BACH2: variants seen among roughly 807,000 people sequenced by gnomAD.
BACH2 encodes transcription regulator protein BACH2.
A neutral mutation model predicts 61.8 loss-of-function variants in BACH2; 5 were observed. That is an observed-to-expected ratio of 0.08 (90% confidence interval 0.04 to 0.17). The LOEUF is 0.17. Among genes scored for constraint, BACH2 ranks in the 10% least tolerant of loss-of-function variants. The pLI, the probability that BACH2 is intolerant of heterozygous loss-of-function variation, is 1.00. For missense variants in BACH2, 824 were observed against 1,091.1 expected, an observed-to-expected ratio of 0.76 and a Z score of 3.45; for synonymous variants, 446 against 440.1, an observed-to-expected ratio of 1.01 and a Z score of -0.17.
chr6:90,144,554 G>A (rs935537025), intron 4 of BACH2, among the ~76,000 whole-genome samples: 3 of 152,166 alleles, frequency 2.0e-5, no homozygotes, highest in Non-Finnish European at 2.9e-5. Context: ...GGGCCTGCCC[G>A]CATCTGAGGC....
chr6:89,972,214 T>C (rs1295450477), intron 6 of BACH2, among the ~76,000 whole-genome samples: 2 of 152,126 alleles, frequency 1.3e-5, no homozygotes, highest in East Asian at 3.9e-4. Flanking sequence ...GGGGCCTCAC[T>C]GGAGTCTGTT....
chr6:90,271,363 A>AT (rs1002545794), intron 2 of BACH2, among the ~76,000 whole-genome samples: 2 of 122,134 alleles, frequency 1.6e-5, no homozygotes, highest in African/African-American at 5.6e-5. Context: ...AAACAACCCC[A>AT]TTTAAAAAAA....
chr6:90,218,920 C>CGTGTGTGTGTGTGT (rs3221352), intron 3 of BACH2, among the ~76,000 whole-genome samples: 4 of 140,400 alleles, frequency 2.8e-5, no homozygotes, highest in South Asian at 2.4e-4. Flanking sequence ...GTTTCCTTTC[C>CGTGTGTGTGTGTGT]GTGTGTGTGT....
intron 4 of BACH2, among the ~76,000 whole-genome samples, chr6:90,166,872 C>T (rs1269612148): frequency 5.8e-5 from 8 of 138,260 alleles, no homozygotes; most frequent in African/African-American, 2.2e-4. Flanking sequence ...CACATGGACA[C>T]AGGAAGGGGA....
intron 4 of BACH2, among the ~76,000 whole-genome samples, chr6:90,104,009 T>C (rs2127813225): frequency 6.6e-6 from 1 of 152,292 alleles, no homozygotes; most frequent in South Asian, 2.1e-4. Flanking sequence ...ACCGACAAAG[T>C]GGCAAAGAGG....
At chr6:90,279,627 A>G (rs1272323021) in intron 1 of BACH2, among the ~76,000 whole-genome samples, 1 of 152,194 alleles carries the variant, frequency 6.6e-6, no homozygotes, top group Non-Finnish European at 1.5e-5. Context: ...TAAGCCATAA[A>G]GTAGTTTCTT....
At chr6:90,287,195 T>C (rs1772045351) in intron 1 of BACH2, among the ~76,000 whole-genome samples, 1 of 152,220 alleles carries the variant, frequency 6.6e-6, no homozygotes, top group African/African-American at 2.4e-5. Context: ...CCAACAACTC[T>C]ATCTAAAATA....
At chr6:90,291,417 G>A (rs1772171635) in intron 1 of BACH2, among the ~76,000 whole-genome samples, 1 of 151,732 alleles carries the variant, frequency 6.6e-6, no homozygotes, top group Admixed American at 6.6e-5. Flanking sequence ...GGTAAGATTC[G>A]CAGGACATTT....
At chr6:90,163,767 T>C (rs1482499300) in intron 4 of BACH2, among the ~76,000 whole-genome samples, 5 of 152,294 alleles carry the variant, frequency 3.3e-5, no homozygotes, top group South Asian at 4.1e-4. Context: ...TTTCTTAAAA[T>C]AGAAATATTT....
intron 3 of BACH2, among the ~76,000 whole-genome samples, chr6:90,207,530 G>C (rs990742865): frequency 6.6e-6 from 1 of 152,130 alleles, no homozygotes; most frequent in Admixed American, 6.5e-5. Context: ...ACTGAGAGGA[G>C]AGCAAAATAT....
At position 90,079,570 on chromosome 6, in the gene BACH2, G is replaced by A. The variant is rs561314275; in HGVS notation, c.-13+9391C>T. Among the ~76,000 whole-genome samples the A allele has an allele frequency of 1.1e-4, 16 of 152,202 alleles. No homozygotes were observed. The South Asian group carries it at 2.1e-3, about 20-fold the overall frequency. On this transcript the variant is annotated intron_variant, in intron 5 of 8. Coordinates refer to ENST00000257749, the MANE Select transcript of BACH2 (RefSeq NM_021813.4). ...AAACTATCATGTGTAGACACACAAC[G>A]CAAAAACTTGGTTGCCTTTTGCTAT... is the stretch of plus-strand genomic sequence containing the variant.
At chr6:90,161,251 C>G (rs1785182497) in intron 4 of BACH2, among the ~76,000 whole-genome samples, 1 of 152,026 alleles carries the variant, frequency 6.6e-6, no homozygotes, top group African/African-American at 2.4e-5. Context: ...AAAGTTAAAG[C>G]TATCTAAACT....
At chr6:90,293,243 T>A (rs1241847738) in intron 1 of BACH2, among the ~76,000 whole-genome samples, 5 of 152,182 alleles carry the variant, frequency 3.3e-5, no homozygotes, top group Non-Finnish European at 5.9e-5. Flanking sequence ...TATTCTCTCA[T>A]TCATTAACAA....
chr6:89,933,420 A>T (rs192263139), intron 8 of BACH2, among the ~76,000 whole-genome samples: 1 of 152,314 alleles, frequency 6.6e-6, no homozygotes, highest in East Asian at 1.9e-4. Flanking sequence ...ATTTGGGGGC[A>T]GTGAAGCCAC....
chr6:90,162,218 T>C (rs1289457818), intron 4 of BACH2, among the ~76,000 whole-genome samples: 1 of 152,174 alleles, frequency 6.6e-6, no homozygotes, highest in Non-Finnish European at 1.5e-5. Context: ...GTTGAATAAG[T>C]CAATGAGCAT....
chr6:90,215,818 G>A (rs969136461), intron 3 of BACH2, among the ~76,000 whole-genome samples: 4 of 152,060 alleles, frequency 2.6e-5, no homozygotes, highest in Admixed American at 6.6e-5. Flanking sequence ...AAGTGCTTAC[G>A]GGTAGCCCAG....
At chr6:90,077,404 C>T (rs935255976) in intron 5 of BACH2, among the ~76,000 whole-genome samples, 2 of 152,100 alleles carry the variant, frequency 1.3e-5, no homozygotes, top group East Asian at 1.9e-4. Context: ...TCTTCCATTT[C>T]GTTAACAGAG....
chr6:90,054,512 G>GGCCT (rs1262207549), intron 5 of BACH2, among the ~76,000 whole-genome samples: 4 of 152,230 alleles, frequency 2.6e-5, no homozygotes, highest in Non-Finnish European at 5.9e-5. Context: ...AGCTCAAGGA[G>GGCCT]GCCTGCCTGC....
At chr6:90,240,557 T>C (rs1246494115) in intron 3 of BACH2, among the ~76,000 whole-genome samples, 3 of 152,322 alleles carry the variant, frequency 2.0e-5, no homozygotes, top group Middle Eastern at 3.4e-3. Flanking sequence ...AGCCCCACTA[T>C]AATGGGAATT....
Sources: allele counts gnomAD v4.1 joint callset (sites outside exome capture counted in the v4.1 genomes callset), GRCh38; gene constraint gnomAD v4.1.1; transcripts MANE v1.5; gene names NCBI Gene and HGNC (gene_info 2026-07-23, HGNC 2026-07-21).